Variants in GPR176 observed in about 807,000 individuals in gnomAD.
GPR176 encodes G-protein coupled receptor 176.
In GPR176, 26 loss-of-function variants were observed where a neutral mutation model predicts 35.4. The observed-to-expected ratio is 0.74, with a 90% CI of 0.54 to 1.02. The LOEUF is 1.02. GPR176 is among the 50% of genes least tolerant of loss of function. GPR176 has a pLI of 0.00. For missense variants in GPR176, 597 were observed against 665.3 expected, an observed-to-expected ratio of 0.90 and a Z score of 1.13; for synonymous variants, 278 against 271.3, an observed-to-expected ratio of 1.02 and a Z score of -0.24.
intron 1 of GPR176, among the ~76,000 whole-genome samples, chr15:39,816,521 G>A (rs934550478): frequency 6.6e-6 from 1 of 152,006 alleles, no homozygotes; most frequent in Non-Finnish European, 1.5e-5. Context: ...ACCACACAAG[G>A]TTATGAAAAT....
chr15:39,899,097 A>G (rs1326128312), intron 1 of GPR176, among the ~76,000 whole-genome samples: 1 of 152,168 alleles, frequency 6.6e-6, no homozygotes, highest in African/African-American at 2.4e-5. Context: ...CAGCATCAAC[A>G]TCAGCTAGAC....
chr15:39,892,173 G>A (rs2032897932), intron 1 of GPR176, among the ~76,000 whole-genome samples: 1 of 152,202 alleles, frequency 6.6e-6, no homozygotes, highest in Non-Finnish European at 1.5e-5. Flanking sequence ...ATGAAGAAAG[G>A]AGGCCTTCCC....
At chr15:39,907,117 C>T (rs898771184) in intron 1 of GPR176, among the ~76,000 whole-genome samples, 3 of 152,158 alleles carry the variant, frequency 2.0e-5, no homozygotes, top group Non-Finnish European at 4.4e-5. Flanking sequence ...AGCCATAAGA[C>T]GCATCTAGGA....
intron 1 of GPR176, among the ~76,000 whole-genome samples, chr15:39,901,089 A>G: frequency 6.6e-6 from 1 of 152,082 alleles, no homozygotes; most frequent in South Asian, 2.1e-4. Flanking sequence ...TTTTGAATAA[A>G]TAATTTAGTT....
intron 1 of GPR176, chr15:39,814,879 C>G (rs575968766): frequency 6.6e-6 from 1 of 152,154 alleles, no homozygotes; most frequent in Non-Finnish European, 1.5e-5. Flanking sequence ...AGACTCAATA[C>G]CCAGCTCTGT....
intron 1 of GPR176, among the ~76,000 whole-genome samples, chr15:39,874,321 C>G (rs2032160208): frequency 6.6e-6 from 1 of 152,218 alleles, no homozygotes; most frequent in South Asian, 2.1e-4. Context: ...CATGGATGAT[C>G]TGCTGATGGG....
chr15:39,870,354 G>A (rs1392631123), intron 1 of GPR176, among the ~76,000 whole-genome samples: 1 of 152,104 alleles, frequency 6.6e-6, no homozygotes, highest in African/African-American at 2.4e-5. Flanking sequence ...TATCTTGGGG[G>A]CCTACTACAG....
intron 1 of GPR176, among the ~76,000 whole-genome samples, chr15:39,866,551 G>A (rs2031837335): frequency 6.6e-6 from 1 of 152,162 alleles, no homozygotes; most frequent in Non-Finnish European, 1.5e-5. Flanking sequence ...ATTACTGTCA[G>A]TAGCAATTTT....
rs2140763832 is a variant in GPR176, at chr15:39,800,117, C to T, written c.*1015G>A. ...GGCAGAGTCACCTTTCCAAATCAGGCCTTTTCAGTTTGATGTTTCCAAAGG... is the reference window on the plus strand; with the variant it reads ...GGCAGAGTCACCTTTCCAAATCAGGTCTTTTCAGTTTGATGTTTCCAAAGG... On this transcript the variant is annotated 3_prime_UTR_variant, in exon 3 of 3. Coordinates refer to ENST00000561100, the MANE Select transcript of GPR176 (RefSeq NM_007223.3). 1 of 152,306 alleles carries T rather than the reference C, an allele frequency of 6.6e-6. No individual in the cohort carries two copies. 9.4% of individuals were successfully genotyped at this position (152,306 alleles called of 1,614,324 possible). A position where few individuals can be genotyped will look rare whatever the true frequency, so the allele number is the denominator to read the frequency against.
intron 1 of GPR176, among the ~76,000 whole-genome samples, chr15:39,892,927 G>C (rs1439424381): frequency 6.6e-6 from 1 of 152,212 alleles, no homozygotes; most frequent in East Asian, 1.9e-4. Context: ...CTATGCTGTA[G>C]AATAGGTAGA....
chr15:39,914,504 A>G lies in GPR176; in HGVS notation c.172+5351T>C, dbSNP rs887263947. The stretch of plus-strand genomic sequence containing the variant: ...AATTTTTGTATTTTTTACTAGAGAC[A>G]GGGTTTCACCATGTTGGCCAGGCTG... On this transcript the variant is annotated intron_variant, in intron 1 of 2. Coordinates refer to ENST00000561100, the MANE Select transcript of GPR176 (RefSeq NM_007223.3). Among the ~76,000 whole-genome samples, 18 of 151,934 alleles carry G rather than the reference A, an allele frequency of 1.2e-4. 1 individual carries two copies. The highest frequency in any genetic ancestry group is 7.9e-4 in the Admixed American group (12 of 15,250).
At chr15:39,861,534 C>T (rs967070714) in intron 1 of GPR176, among the ~76,000 whole-genome samples, 7 of 150,142 alleles carry the variant, frequency 4.7e-5, no homozygotes, top group African/African-American at 1.5e-4. Context: ...GGTGACAGAG[C>T]GAGACTCCAT....
At chr15:39,879,443 C>T (rs1410656348) in intron 1 of GPR176, among the ~76,000 whole-genome samples, 1 of 152,202 alleles carries the variant, frequency 6.6e-6, no homozygotes, top group East Asian at 1.9e-4. Flanking sequence ...TCCCAAAGGT[C>T]TATTGAAATG....
chr15:39,839,121 A>T (rs1338256839), intron 1 of GPR176, among the ~76,000 whole-genome samples: 1 of 152,182 alleles, frequency 6.6e-6, no homozygotes, highest in South Asian at 2.1e-4. Context: ...TCTTCACAGA[A>T]TTGGAAAAAA....
At chr15:39,915,822 G>A (rs1326159786) in intron 1 of GPR176, among the ~76,000 whole-genome samples, 4 of 152,206 alleles carry the variant, frequency 2.6e-5, no homozygotes, top group African/African-American at 9.6e-5. Context: ...AGAGGTTGCA[G>A]TGAGCCAAGA....
rs146838521 is a variant in GPR176 at position 39,822,197 on chromosome 15, T to C, written c.173-14939A>G. Among the ~76,000 whole-genome samples, 182 of 152,352 alleles carry C rather than the reference T, an allele frequency of 1.2e-3. 1 individual carries two copies. In the East Asian group the frequency reaches 0.026, roughly 22 times the overall value. Reference sequence around the variant, plus strand: ...TGGCCAACATCTTGATGCAACCTTATGAGACACCTTGACCCAGAAATACCC... The same window carrying C: ...TGGCCAACATCTTGATGCAACCTTACGAGACACCTTGACCCAGAAATACCC... On this transcript the variant is annotated intron_variant, in intron 1 of 2. Transcript: ENST00000561100.
At chr15:39,867,356 G>A (rs962191526) in intron 1 of GPR176, among the ~76,000 whole-genome samples, 19 of 152,204 alleles carry the variant, frequency 1.2e-4, no homozygotes, top group Admixed American at 6.5e-5. Context: ...ACTGGGGGTT[G>A]AGATTCCAAA....
intron 1 of GPR176, among the ~76,000 whole-genome samples, chr15:39,887,599 T>TAAAAA (rs10561003): frequency 6.3e-5 from 9 of 141,848 alleles, no homozygotes; most frequent in African/African-American, 1.8e-4. Flanking sequence ...AATTTAAATT[T>TAAAAA]AAAAAAAAAA....
At chr15:39,824,017 C>T (rs1900454302) in intron 1 of GPR176, among the ~76,000 whole-genome samples, 1 of 152,196 alleles carries the variant, frequency 6.6e-6, no homozygotes, top group African/African-American at 2.4e-5. Flanking sequence ...ATGTTTGAGT[C>T]ATGGGGGTGG....
Sources: gnomAD v4.1 joint callset for allele counts (sites outside exome capture counted in the v4.1 genomes callset) on GRCh38, gnomAD v4.1.1 for gene constraint, MANE v1.5 for transcripts, NCBI Gene and HGNC (gene_info 2026-07-23, HGNC 2026-07-21) for gene names.